Variants in IFI16 observed in about 807,000 individuals in gnomAD.
IFI16 encodes the protein interferon gamma inducible protein 16.
A neutral mutation model predicts 68.4 loss-of-function variants in IFI16; 49 were observed. That is an observed-to-expected ratio of 0.72 (90% CI 0.57 to 0.91). The LOEUF (loss-of-function observed/expected upper bound fraction) is 0.91. IFI16 is among the 40% of genes least tolerant of loss of function. IFI16 has a pLI of 0.00. For missense variants in IFI16, 878 were observed against 942.9 expected (o/e 0.93, Z 0.90); for synonymous variants, 307 against 315.0 (o/e 0.97, Z 0.27).
intron 4 of IFI16, 53 bp from the exon 5 acceptor site, chr1:159,018,176 C>T (rs150901071): frequency 2.7e-6 from 4 of 1,475,172 alleles, no homozygotes; most frequent in Non-Finnish European, 3.7e-6. Flanking sequence ...AATAGCAGTT[C>T]TGTATTTCTC....
At chr1:159,033,638 A>G (rs1290749045) in intron 7 of IFI16, among the ~76,000 whole-genome samples, 3 of 152,186 alleles carry the variant, frequency 2.0e-5, no homozygotes, top group Admixed American at 2.0e-4. Context: ...AGAAAATTAG[A>G]GTCATGATTC....
At chr1:159,012,402 C>T (rs1333114065) in intron 1 of IFI16, among the ~76,000 whole-genome samples, 1 of 152,122 alleles carries the variant, frequency 6.6e-6, no homozygotes, top group East Asian at 1.9e-4. Flanking sequence ...ACTAGAAACT[C>T]CATTGGGATA....
intron 1 of IFI16, among the ~76,000 whole-genome samples, chr1:159,000,624 C>T (rs1032980858): frequency 2.0e-5 from 3 of 152,142 alleles, no homozygotes; most frequent in African/African-American, 4.8e-5. Context: ...ACACAATGCA[C>T]ATATTTCACA....
At chr1:159,044,385 ACAGTGTTTTGTTTGGG>A (rs2101907044) in intron 7 of IFI16, among the ~76,000 whole-genome samples, 1 of 152,292 alleles carries the variant, frequency 6.6e-6, no homozygotes, top group East Asian at 1.9e-4. Flanking sequence ...TTTTGAAAAT[ACAGTGTTTTGTTTGGG>A]GTTTATTTCC....
chr1:159,024,080 G>A (rs1043055759), intron 6 of IFI16, among the ~76,000 whole-genome samples: 1 of 152,250 alleles, frequency 6.6e-6, no homozygotes, highest in Non-Finnish European at 1.5e-5. Flanking sequence ...GGGCTACCAT[G>A]CGTACAAGCG....
chr1:159,044,030 A>G (rs1226079226), intron 7 of IFI16, among the ~76,000 whole-genome samples: 4 of 152,194 alleles, frequency 2.6e-5, no homozygotes, highest in Non-Finnish European at 4.4e-5. Context: ...CGGAGCAGAC[A>G]TGCAAACCCC....
chr1:159,014,525 T>G, intron 1 of IFI16, 136 bp from the exon 2 acceptor site: 1 of 530,554 alleles, frequency 1.9e-6, no homozygotes, highest in African/African-American at 1.9e-5. Context: ...CAGTAACACA[T>G]TTGGTCGTTG....
intron 9 of IFI16, among the ~76,000 whole-genome samples, chr1:159,051,204 G>A (rs1388187200): frequency 1.3e-5 from 2 of 152,030 alleles, no homozygotes; most frequent in African/African-American, 4.8e-5. Context: ...ATGGAGGCAA[G>A]AAGGGATCAA....
At chr1:159,046,088 T>C (rs995011311) in intron 8 of IFI16, among the ~76,000 whole-genome samples, 1 of 151,392 alleles carries the variant, frequency 6.6e-6, no homozygotes, top group African/African-American at 2.4e-5. Context: ...TTTAAATTAC[T>C]TTATTGTACC....
chr1:159,011,621 T>G (rs1463918217), intron 1 of IFI16, among the ~76,000 whole-genome samples: 2 of 149,554 alleles, frequency 1.3e-5, no homozygotes, highest in African/African-American at 4.9e-5. Flanking sequence ...ATAAATTAGA[T>G]AAATTCATAA....
upstream of IFI16, among the ~76,000 whole-genome samples, chr1:159,006,758 T>C (rs1652275548): frequency 2.6e-5 from 4 of 151,416 alleles, no homozygotes; most frequent in South Asian, 6.3e-4. Context: ...TGGTTCTTAG[T>C]CCAGCAGGGC....
At chr1:159,038,218 A>G (rs971925467) in intron 7 of IFI16, among the ~76,000 whole-genome samples, 5 of 152,154 alleles carry the variant, frequency 3.3e-5, no homozygotes, top group Admixed American at 1.3e-4. Context: ...GTAGTGTTGA[A>G]TTTTGCATTT....
At chr1:159,014,384 T>C (rs918809311) in intron 1 of IFI16, among the ~76,000 whole-genome samples, 2 of 151,286 alleles carry the variant, frequency 1.3e-5, no homozygotes, top group African/African-American at 4.9e-5. Context: ...GCAGAGCTCA[T>C]ACTCTTAACA....
rs965009752 is a variant in IFI16, at chr1:159,014,742, A to G, written c.62A>G (p.His21Arg). Residue 21 changes from histidine (H) to arginine (R), a missense_variant, in exon 2 of 12, where the codon CAT becomes CGT. This residue lies in a region of IFI16 where 65 missense variants were observed against 96.9 expected (regional missense o/e 0.67). Transcript: ENST00000295809. The part of the protein sequence containing the change: ...LKGLEVINDY[H>R]FRMVKSLLSN... ...GGATTAGAGGTCATCAATGATTATC[A>G]TTTTAGAATGGTTAAGTCCTTACTG... The G allele has an allele frequency of 1.9e-6, 3 of 1,608,682 alleles. No homozygotes were observed. The highest frequency in any genetic ancestry group is 1.1e-5 in the South Asian group (1 of 90,850).
At chr1:159,039,883 TATC>T (rs1310796286) in intron 7 of IFI16, among the ~76,000 whole-genome samples, 1 of 152,196 alleles carries the variant, frequency 6.6e-6, no homozygotes, top group Non-Finnish European at 1.5e-5. Context: ...AGCTTACTAT[TATC>T]ATCCTTTGTG....
intron 8 of IFI16, among the ~76,000 whole-genome samples, chr1:159,045,798 C>T (rs1654945283): frequency 6.6e-6 from 1 of 151,174 alleles, no homozygotes; most frequent in African/African-American, 2.4e-5. Flanking sequence ...AACACTATCA[C>T]TGATTCTTTC....
At chr1:159,043,244 CCA>C (rs1654776820) in intron 7 of IFI16, among the ~76,000 whole-genome samples, 1 of 152,234 alleles carries the variant, frequency 6.6e-6, no homozygotes, top group South Asian at 2.1e-4. Context: ...CAGGTAGAGC[CCA>C]TGTGTAGTCA....
chr1:159,042,448 T>A (rs2814771), intron 7 of IFI16, among the ~76,000 whole-genome samples: 6 of 152,078 alleles, frequency 3.9e-5, no homozygotes, highest in Non-Finnish European at 8.8e-5. Context: ...CTTTCTCCTT[T>A]GCTCTCTCAC....
At chr1:159,026,637 C>T (rs60958912) in intron 6 of IFI16, among the ~76,000 whole-genome samples, 45,383 of 151,992 alleles carry the variant, frequency 0.3, 9,470 homozygotes, top group African/African-American at 0.59. Context: ...TACCCATCCC[C>T]GAGCATAGGA....
Sources: allele counts gnomAD v4.1 joint callset (sites outside exome capture counted in the v4.1 genomes callset), GRCh38; gene constraint gnomAD v4.1.1; regional missense constraint gnomAD v4.1.1; transcripts MANE v1.5; gene names NCBI Gene and HGNC (gene_info 2026-07-23, HGNC 2026-07-21).